ERLEC1: variants seen among roughly 807,000 people sequenced by gnomAD.
ERLEC1 encodes endoplasmic reticulum lectin 1, also known as ER lectin.
In ERLEC1, 47 loss-of-function variants were observed where a neutral mutation model predicts 68.0. That is an observed-to-expected ratio of 0.69 (90% CI 0.55 to 0.88). The LOEUF (loss-of-function observed/expected upper bound fraction) is 0.88. Among genes scored for constraint, ERLEC1 ranks in the 40% least tolerant of loss-of-function variants. The pLI is 0.00. For synonymous variants in ERLEC1, 225 were observed against 203.2 expected, an observed-to-expected ratio of 1.11 and a Z score of -0.91; for missense variants, 567 against 583.8, an observed-to-expected ratio of 0.97 and a Z score of 0.30.
In ERLEC1 at chr2:53,809,999, C is replaced by T. The variant is rs539799496; in HGVS notation, c.1101+726C>T. On this transcript the variant is annotated intron_variant, in intron 10 of 13. Coordinates refer to ENST00000185150, the MANE Select transcript of ERLEC1 (RefSeq NM_015701.5). ...CTGGGAGGCAGAGGTTGCAGTGAGC[C>T]GAGATCACGCCACTGCATTCCAGCT... Among the ~76,000 whole-genome samples, 3 of 152,074 alleles carry T rather than the reference C, an allele frequency of 2.0e-5. No individual in the cohort carries two copies. In the South Asian group the frequency reaches 6.2e-4, roughly 32 times the overall value.
intron 3 of ERLEC1, 59 bp from the exon 4 acceptor site, chr2:53,797,456 A>C: frequency 7.8e-7 from 1 of 1,279,276 alleles, no homozygotes; most frequent in Non-Finnish European, 1.1e-6. Flanking sequence ...CAAATATCAG[A>C]AAGTAATTCA....
chr2:53,794,316 A>G, intron 1 of ERLEC1, 29 bp from the exon 2 acceptor site: 5 of 1,009,226 alleles, frequency 5.0e-6, no homozygotes, highest in South Asian at 3.2e-5. Flanking sequence ...CACGGAGAAC[A>G]TAATGTATGT....
chr2:53,815,029 C>T lies in ERLEC1; in HGVS notation c.1380+94C>T, dbSNP rs1226842319. 42 of 715,172 alleles carry T rather than the reference C, an allele frequency of 5.9e-5. 1 individual carries two copies. Among genetic ancestry groups the T allele is most frequent in the South Asian group, 5.3e-4 (27 of 50,842 alleles). The allele number at this position is 715,172 out of a possible 1,614,324, so 44.3% of individuals were successfully genotyped here. A position where few individuals can be genotyped will look rare whatever the true frequency, so the allele number is the denominator to read the frequency against. On this transcript the variant is annotated intron_variant, in intron 13 of 13. Transcript: ENST00000185150. ...TTTTTTTTTTTTTGTTTTTTTGAGA[C>T]GGAGTCTTGCTCTGTGGCTCAGGCA...
At chr2:53,813,171 C>A (rs1676683829) in intron 11 of ERLEC1, 98 bp downstream of exon 11, 6 of 1,418,760 alleles carry the variant, frequency 4.2e-6, no homozygotes, top group Non-Finnish European at 5.7e-6. Context: ...AAGTAAAATC[C>A]CTGTTTAGTT....
chr2:53,813,791 C>CTT (rs879871998), intron 11 of ERLEC1, among the ~76,000 whole-genome samples: 2 of 144,464 alleles, frequency 1.4e-5, no homozygotes, highest in Non-Finnish European at 3.1e-5. Flanking sequence ...AAAACATAGA[C>CTT]TTTTTTTTTT....
chr2:53,794,536 A>G lies in ERLEC1; in HGVS notation c.267+87A>G, dbSNP rs552305414. The G allele has an allele frequency of 2.7e-5, 17 of 629,432 alleles. No homozygotes were observed. In the East Asian group the frequency reaches 4.7e-4, roughly 17 times the overall value. The allele number at this position is 629,432 out of a possible 1,614,324, so 39.0% of individuals were successfully genotyped here. A position where few individuals can be genotyped will look rare whatever the true frequency, so the allele number is the denominator to read the frequency against. On this transcript the variant is annotated intron_variant, in intron 2 of 13. Transcript: ENST00000185150. Reference sequence around the variant, plus strand: ...ACTACATACTTTGAAGTAAAATTGAATAACAGATTTCTCAATAACGCTCTT... The same window carrying G: ...ACTACATACTTTGAAGTAAAATTGAGTAACAGATTTCTCAATAACGCTCTT...
At chr2:53,796,728 G>A (rs1675725749) in intron 3 of ERLEC1, among the ~76,000 whole-genome samples, 1 of 152,010 alleles carries the variant, frequency 6.6e-6, no homozygotes, top group African/African-American at 2.4e-5. Flanking sequence ...AGAATTACAG[G>A]CGTGAGCGAC....
At chr2:53,803,511 C>T (rs1159657850) in intron 8 of ERLEC1, among the ~76,000 whole-genome samples, 1 of 151,958 alleles carries the variant, frequency 6.6e-6, no homozygotes, top group African/African-American at 2.4e-5. Flanking sequence ...TGCCTATAAT[C>T]CCAACACTTT....
At chr2:53,814,995 C>CATTTTTTTTTTTT in intron 13 of ERLEC1, 60 bp downstream of exon 13, 1 of 467,766 alleles carries the variant, frequency 2.1e-6, no homozygotes, top group East Asian at 5.7e-5. Flanking sequence ...ATTTTTTTTT[C>CATTTTTTTTTTTT]TTTTTTTTTT....
chr2:53,811,659 A>G (rs1423586913), intron 10 of ERLEC1, among the ~76,000 whole-genome samples: 1 of 152,208 alleles, frequency 6.6e-6, no homozygotes, highest in Non-Finnish European at 1.5e-5. Context: ...TTATTCCAAG[A>G]TGAGGAAATA....
chr2:53,815,006 T>TTG, intron 13 of ERLEC1, 71 bp downstream of exon 13: 1 of 1,031,560 alleles, frequency 9.7e-7, no homozygotes, highest in Middle Eastern at 3.1e-4. Context: ...TTTTTTTTTT[T>TTG]TTTTTTTTTT....
rs116451497 is a variant in ERLEC1, at chr2:53,807,098, C to T, written c.880-1201C>T. ...AAATATCATCACAGCACATCTTTGCCTAAATCCTATAAAATGATGTCCAAA... is the reference window on the plus strand; with the variant it reads ...AAATATCATCACAGCACATCTTTGCTTAAATCCTATAAAATGATGTCCAAA... On this transcript the variant is annotated intron_variant, in intron 8 of 13. Transcript: ENST00000185150. Among the ~76,000 whole-genome samples, 1,116 of 152,240 alleles carry T rather than the reference C, an allele frequency of 7.3e-3. 17 individuals are homozygous for T. The highest frequency in any genetic ancestry group is 0.026 in the African/African-American group (1,070 of 41,522).
chr2:53,818,348 T>C lies in ERLEC1; in HGVS notation c.*379T>C, dbSNP rs1308148763. ...GTAAATTATAGTATATGTAAGTAGC[T>C]AATGAAGTAAAGATCATGAAGAAAG... On this transcript the variant is annotated 3_prime_UTR_variant, in exon 14 of 14. Transcript: ENST00000185150. The C allele has an allele frequency of 6.4e-6, 1 of 155,800 alleles. No individual in the cohort carries two copies. Among genetic ancestry groups the C allele is most frequent in the Non-Finnish European group, 1.4e-5 (1 of 70,218 alleles). The allele number at this position is 155,800 out of a possible 1,614,324, so 9.7% of individuals were successfully genotyped here.
rs1676537688 is a variant in ERLEC1, at chr2:53,810,561, TTTAAAA to T, written c.1101+1289_1101+1294del. Among the ~76,000 whole-genome samples, 3 of 152,314 alleles carry T rather than the reference TTTAAAA, an allele frequency of 2.0e-5. No individual in the cohort carries two copies. In the South Asian group the frequency reaches 6.2e-4, roughly 32 times the overall value. Reference sequence around the variant, plus strand: ...AATTAATGAATATGGACCTAGCTGCTTTAAAAGGCCATTTTCGTTATCTAAAAAAGA... The same window carrying T: ...AATTAATGAATATGGACCTAGCTGCTGGCCATTTTCGTTATCTAAAAAAGA... On this transcript the variant is annotated intron_variant, in intron 10 of 13. Transcript: ENST00000185150.
chr2:53,801,478 C>T lies in ERLEC1; in HGVS notation c.607C>T (p.Gln203Ter). The change falls in exon 7 of 14, where the codon CAG becomes TAG. Residue 203 changes from glutamine (Q) to a stop codon, truncating the protein, a stop_gained. Transcript: ENST00000185150. LOFTEE classifies it high-confidence loss of function. ...MGNGTPCSLKQNRPRSSTVMY... is the reference protein window; with the variant it reads ...MGNGTPCSLK ...AAATGGTACACCTTGTAGTTTGAAA[C>T]AGAACCGGCCCAGATCAAGTACTGT... 2 of 1,613,982 alleles carry T rather than the reference C, an allele frequency of 1.2e-6. No homozygotes were observed. The highest frequency in any genetic ancestry group is 1.7e-6 in the Non-Finnish European group (2 of 1,179,946).
chr2:53,809,079 G>A, intron 9 of ERLEC1, 135 bp from the exon 10 acceptor site: 2 of 649,694 alleles, frequency 3.1e-6, no homozygotes, highest in South Asian at 3.9e-5. Flanking sequence ...TCTCAGTAAT[G>A]TTTTCTTTTA....
chr2:53,795,452 A>G (rs1439749802), intron 2 of ERLEC1, among the ~76,000 whole-genome samples: 1 of 152,194 alleles, frequency 6.6e-6, no homozygotes, highest in African/African-American at 2.4e-5. Flanking sequence ...TGAGACACAC[A>G]CACACACGCA....
chr2:53,818,567 TTC>T lies in ERLEC1; in HGVS notation c.*605_*606del, dbSNP rs899711488. 2 of 152,352 alleles carry T rather than the reference TTC, an allele frequency of 1.3e-5. No individual in the cohort carries two copies. The highest frequency in any genetic ancestry group is 1.9e-4 in the East Asian group (1 of 5,190). 9.4% of individuals were successfully genotyped at this position (152,352 alleles called of 1,614,324 possible). The stretch of plus-strand genomic sequence containing the variant: ...GAAACTCTTATTTATAATAGGTTGC[TTC>T]TCTCTCAGAACTTTTATCTATTACT... On this transcript the variant is annotated 3_prime_UTR_variant, in exon 14 of 14. Coordinates refer to ENST00000185150, the MANE Select transcript of ERLEC1 (RefSeq NM_015701.5).
intron 8 of ERLEC1, among the ~76,000 whole-genome samples, chr2:53,807,870 A>G (rs1676377243): frequency 6.6e-6 from 1 of 151,756 alleles, no homozygotes; most frequent in African/African-American, 2.4e-5. Context: ...AACAACAACA[A>G]CAAAAAATGC....
Sources: gnomAD v4.1 joint callset for allele counts (sites outside exome capture counted in the v4.1 genomes callset) on GRCh38, gnomAD v4.1.1 for gene constraint, MANE v1.5 for transcripts, NCBI Gene and HGNC (gene_info 2026-07-23, HGNC 2026-07-21) for gene names.